UBE3C: variants seen among roughly 807,000 people sequenced by gnomAD.
The protein encoded by UBE3C is ubiquitin-protein ligase E3C.
A neutral mutation model predicts 129.4 loss-of-function variants in UBE3C; 42 were observed. The ratio of observed to expected loss-of-function variants is 0.32; its 90% CI spans 0.25 to 0.42. The LOEUF (loss-of-function observed/expected upper bound fraction) is 0.42. UBE3C is among the 10% of genes least tolerant of loss of function. The probability of loss-of-function intolerance (pLI) is 1.00; values close to 1 mark genes in which losing one functional copy is unlikely to be tolerated. For missense variants in UBE3C, 1,049 were observed against 1,319.1 expected (o/e 0.80, Z 3.17); for synonymous variants, 510 against 492.4 (o/e 1.04, Z -0.47).
chr7:157,242,334 G>A (rs1236648826), intron 18 of UBE3C, among the ~76,000 whole-genome samples: 1 of 152,126 alleles, frequency 6.6e-6, no homozygotes, highest in African/African-American at 2.4e-5. Flanking sequence ...AACGAAATCT[G>A]TTATCATCGA....
intron 19 of UBE3C, among the ~76,000 whole-genome samples, chr7:157,250,139 G>T (rs1181082436): frequency 6.6e-6 from 1 of 152,202 alleles, no homozygotes; most frequent in African/African-American, 2.4e-5. Context: ...CGGGAGGTGT[G>T]ATGCCTGATG....
rs112275774 is a variant in UBE3C, at chr7:157,241,253, A to G, written c.2482-7115A>G. Among the ~76,000 whole-genome samples, 283 of 152,346 alleles carry G rather than the reference A, an allele frequency of 1.9e-3. 3 individuals carry two copies. The highest frequency in any genetic ancestry group is 6.2e-3 in the African/African-American group (258 of 41,582). On this transcript the variant is annotated intron_variant, in intron 18 of 22. Coordinates refer to ENST00000348165, the MANE Select transcript of UBE3C (RefSeq NM_014671.3). Reference sequence around the variant, plus strand: ...AAAATCCCGTCTTAGCTGTGAGACCAGGAGCACAAAAAACAAAAGGAAAAA... The same window carrying G: ...AAAATCCCGTCTTAGCTGTGAGACCGGGAGCACAAAAAACAAAAGGAAAAA...
intron 16 of UBE3C, among the ~76,000 whole-genome samples, chr7:157,225,045 C>G (rs191342877): frequency 6.6e-6 from 1 of 152,112 alleles, no homozygotes; most frequent in African/African-American, 2.4e-5. Flanking sequence ...GACAGAGATT[C>G]ACTCTGTCAC....
intron 1 of UBE3C, 40 bp downstream of exon 1, chr7:157,139,378 TGCGCGGCC>T: frequency 5.4e-6 from 8 of 1,489,852 alleles, no homozygotes; most frequent in Non-Finnish European, 6.3e-6. Flanking sequence ...GCTCGGGGCC[TGCGCGGCC>T]GGGGCTCGGG....
chr7:157,244,388 A>C (rs902011216), intron 18 of UBE3C, among the ~76,000 whole-genome samples: 6 of 152,212 alleles, frequency 3.9e-5, no homozygotes, highest in Non-Finnish European at 8.8e-5. Context: ...GCGTGTTGCT[A>C]TTAGTATACA....
chr7:157,183,770 A>G, intron 8 of UBE3C, 108 bp from the exon 9 acceptor site: 1 of 1,334,994 alleles, frequency 7.5e-7, no homozygotes, highest in South Asian at 1.5e-5. Context: ...TAAAAATAAG[A>G]TCTGGTCAGA....
At chr7:157,229,931 T>A (rs1417540511) in intron 17 of UBE3C, among the ~76,000 whole-genome samples, 2 of 146,356 alleles carry the variant, frequency 1.4e-5, no homozygotes, top group Admixed American at 6.9e-5. Context: ...TTTATTTTTT[T>A]TTTTTTTGAG....
intron 21 of UBE3C, among the ~76,000 whole-genome samples, chr7:157,255,081 C>T (rs1006089705): frequency 2.0e-5 from 3 of 152,060 alleles, no homozygotes; most frequent in Non-Finnish European, 4.4e-5. Context: ...GATCATGCCA[C>T]TGCACTCCAG....
intron 1 of UBE3C, among the ~76,000 whole-genome samples, chr7:157,163,012 A>G (rs1371475429): frequency 6.6e-6 from 1 of 152,158 alleles, no homozygotes; most frequent in Non-Finnish European, 1.5e-5. Flanking sequence ...TATGAAAAAA[A>G]ATTTTCATCA....
intron 22 of UBE3C, among the ~76,000 whole-genome samples, chr7:157,265,359 G>A (rs1445251068): frequency 6.6e-6 from 1 of 152,226 alleles, no homozygotes; most frequent in Non-Finnish European, 1.5e-5. Context: ...TCAAATGTGA[G>A]GCAAATAGCT....
chr7:157,221,912 C>T (rs1225174789), intron 15 of UBE3C: 2 of 152,098 alleles, frequency 1.3e-5, no homozygotes, highest in Non-Finnish European at 1.5e-5. Flanking sequence ...ACTGTGTGCT[C>T]AGGCTGGAGT....
chr7:157,245,428 G>C (rs546800821), intron 18 of UBE3C, among the ~76,000 whole-genome samples: 1 of 152,118 alleles, frequency 6.6e-6, no homozygotes, highest in Non-Finnish European at 1.5e-5. Flanking sequence ...CTTTGAACTC[G>C]TCATTCATTT....
Position 157,267,660 on chromosome 7 carries a change from A to C in UBE3C, c.3157A>C (p.Asn1053His). ...ERLPTASTCM[N>H]LLKLPEFYDE... ...GCTCCCCACAGCCAGCACCTGCATG[A>C]ACCTGCTGAAGCTCCCCGAGTTCTA... The change falls in exon 23 of 23, where the codon AAC becomes CAC. Residue 1053 changes from asparagine (N) to histidine (H), a missense_variant. By Grantham distance (68) the Asn-to-His change is moderately conservative (BLOSUM62 1). Coordinates refer to ENST00000348165, the MANE Select transcript of UBE3C (RefSeq NM_014671.3). 1 of 1,613,870 alleles carries C rather than the reference A, an allele frequency of 6.2e-7. No homozygotes were observed. Among genetic ancestry groups the C allele is most frequent in the Non-Finnish European group, 8.5e-7 (1 of 1,179,954 alleles).
chr7:157,164,587 T>A, intron 2 of UBE3C: 1 of 375,102 alleles, frequency 2.7e-6, no homozygotes, highest in Non-Finnish European at 5.3e-6. Flanking sequence ...TATCTTGTGA[T>A]AGTTTCTTTA....
At chr7:157,204,946 A>G (rs1259292917) in intron 11 of UBE3C, among the ~76,000 whole-genome samples, 2 of 152,228 alleles carry the variant, frequency 1.3e-5, no homozygotes, top group African/African-American at 4.8e-5. Context: ...CAGGCACGCA[A>G]TTTGAAAACC....
intron 13 of UBE3C, among the ~76,000 whole-genome samples, chr7:157,209,416 TA>T (rs1378687211): frequency 6.6e-6 from 1 of 152,246 alleles, no homozygotes; most frequent in Non-Finnish European, 1.5e-5. Flanking sequence ...TATTCCTAAG[TA>T]AACTGGGACG....
chr7:157,225,248 A>G lies in UBE3C; in HGVS notation c.2101-159A>G, dbSNP rs76861890. ...ATATGATATACATTATATATTATCT[A>G]TACATTTATTGATAAAAATCAAGAT... On this transcript the variant is annotated intron_variant, in intron 16 of 22. Coordinates refer to ENST00000348165, the MANE Select transcript of UBE3C (RefSeq NM_014671.3). Among the ~76,000 whole-genome samples, 218 of 152,344 alleles carry G rather than the reference A, an allele frequency of 1.4e-3. 1 individual carries two copies. Among genetic ancestry groups the G allele is most frequent in the African/African-American group, 4.8e-3 (200 of 41,582 alleles).
chr7:157,139,613 G>T (rs1410518894), intron 1 of UBE3C, among the ~76,000 whole-genome samples: 1 of 152,252 alleles, frequency 6.6e-6, no homozygotes, highest in Non-Finnish European at 1.5e-5. Flanking sequence ...TCGAGGCCGC[G>T]CCCGTGGGGG....
At chr7:157,245,792 A>G (rs977918004) in intron 18 of UBE3C, among the ~76,000 whole-genome samples, 5 of 152,080 alleles carry the variant, frequency 3.3e-5, no homozygotes, top group African/African-American at 1.2e-4. Context: ...GGAGTTCGAG[A>G]CCAGCCTGGC....
Sources: gnomAD v4.1 joint callset for allele counts (sites outside exome capture counted in the v4.1 genomes callset) on GRCh38, gnomAD v4.1.1 for gene constraint, MANE v1.5 for transcripts, NCBI Gene and HGNC (gene_info 2026-07-23, HGNC 2026-07-21) for gene names.